The following CPNE4 variants were observed in gnomAD, a reference collection of about 807,000 sequenced individuals.
The protein encoded by CPNE4 is copine 4, also known as copine-4.
Under a neutral mutation model 67.9 loss-of-function variants are expected in CPNE4, and 25 were observed. The ratio of observed to expected loss-of-function variants is 0.37; its 90% CI spans 0.27 to 0.51. The LOEUF (loss-of-function observed/expected upper bound fraction) is 0.51. CPNE4 is among the 20% of genes least tolerant of loss of function. CPNE4 has a pLI of 0.93. For missense variants in CPNE4, 464 were observed against 690.8 expected (o/e 0.67, Z 3.68); for synonymous variants, 242 against 244.9 (o/e 0.99, Z 0.11).
intron 3 of CPNE4, among the ~76,000 whole-genome samples, chr3:131,713,431 G>A (rs2081607455): frequency 6.6e-6 from 1 of 152,132 alleles, no homozygotes; most frequent in Non-Finnish European, 1.5e-5. Flanking sequence ...ATGAGAAAGG[G>A]TAGTGGAAGG....
intron 2 of CPNE4, among the ~76,000 whole-genome samples, chr3:131,882,700 A>C (rs921426924): frequency 1.3e-5 from 2 of 151,574 alleles, no homozygotes; most frequent in Admixed American, 6.6e-5. Flanking sequence ...AGCTTGGTAC[A>C]AAAGTAATTG....
chr3:131,991,680 G>T (rs2073177503), intron 1 of CPNE4, among the ~76,000 whole-genome samples: 1 of 136,016 alleles, frequency 7.4e-6, no homozygotes, highest in African/African-American at 2.5e-5. Flanking sequence ...ATTTGAGTAA[G>T]TAATCACCAA....
chr3:131,785,671 T>TTCTCTCTTTCTC (rs1420982427), intron 2 of CPNE4, among the ~76,000 whole-genome samples: 35 of 142,852 alleles, frequency 2.5e-4, no homozygotes, highest in African/African-American at 8.2e-4. Flanking sequence ...CTTTCTCTCT[T>TTCTCTCTTTCTC]TCTCTCTCTC....
intron 7 of CPNE4, among the ~76,000 whole-genome samples, chr3:131,663,726 G>A (rs1028980089): frequency 6.6e-6 from 1 of 152,134 alleles, no homozygotes; most frequent in Non-Finnish European, 1.5e-5. Context: ...ACCAGGCATG[G>A]CAGCCTAAGA....
chr3:131,756,011 C>A (rs1357031856), intron 2 of CPNE4, among the ~76,000 whole-genome samples: 1 of 152,108 alleles, frequency 6.6e-6, no homozygotes, highest in African/African-American at 2.4e-5. Context: ...TTATTATCAT[C>A]CACCAAGAAT....
At chr3:131,817,248 T>C (rs1157198295) in intron 2 of CPNE4, among the ~76,000 whole-genome samples, 3 of 152,234 alleles carry the variant, frequency 2.0e-5, no homozygotes, top group African/African-American at 7.2e-5. Context: ...CAGTTTGCGA[T>C]ATTAAATGAA....
intron 1 of CPNE4, among the ~76,000 whole-genome samples, chr3:131,910,798 A>T (rs1206266452): frequency 6.6e-6 from 1 of 152,186 alleles, no homozygotes; most frequent in Non-Finnish European, 1.5e-5. Flanking sequence ...GCAGAATATC[A>T]TTGGGTCTAT....
intron 1 of CPNE4, among the ~76,000 whole-genome samples, chr3:132,018,582 C>A (rs2073933414): frequency 6.6e-6 from 1 of 152,190 alleles, no homozygotes. Flanking sequence ...CTGTCTGTGT[C>A]CACCAGCTCT....
intron 2 of CPNE4, among the ~76,000 whole-genome samples, chr3:131,864,683 C>A (rs906366134): frequency 6.6e-6 from 1 of 151,896 alleles, no homozygotes; most frequent in Non-Finnish European, 1.5e-5. Context: ...CTTTTCCTAA[C>A]TGAATACCCT....
intron 2 of CPNE4, among the ~76,000 whole-genome samples, chr3:131,827,253 A>T (rs759053370): frequency 6.6e-6 from 1 of 152,192 alleles, no homozygotes; most frequent in Non-Finnish European, 1.5e-5. Context: ...GCATTGTAAA[A>T]ATGAGCCATT....
At chr3:131,625,015 C>A (rs940477114) in intron 7 of CPNE4, among the ~76,000 whole-genome samples, 2 of 152,170 alleles carry the variant, frequency 1.3e-5, no homozygotes, top group African/African-American at 4.8e-5. Context: ...CAGGCCATGG[C>A]AGGTGCTATT....
intron 1 of CPNE4, among the ~76,000 whole-genome samples, chr3:131,992,679 AATG>A (rs1453195189): frequency 7.4e-6 from 1 of 135,702 alleles, no homozygotes; most frequent in African/African-American, 2.5e-5. Flanking sequence ...CCAGAGGCAG[AATG>A]ATATGGTTTG....
chr3:131,565,536 T>C (rs1937010579), intron 10 of CPNE4, among the ~76,000 whole-genome samples: 1 of 151,934 alleles, frequency 6.6e-6, no homozygotes. Flanking sequence ...AGGTATAAGT[T>C]GATGGGGAAA....
chr3:131,997,851 G>A (rs964705347), intron 1 of CPNE4, among the ~76,000 whole-genome samples: 1 of 152,054 alleles, frequency 6.6e-6, no homozygotes, highest in African/African-American at 2.4e-5. Context: ...AGCAGAGAAA[G>A]GTAGAAAGTT....
At chr3:131,818,217 G>A (rs556181105) in intron 2 of CPNE4, among the ~76,000 whole-genome samples, 5 of 152,270 alleles carry the variant, frequency 3.3e-5, no homozygotes, top group East Asian at 3.9e-4. Context: ...CAGGATTTAT[G>A]TTCTTCCCTC....
chr3:131,771,885 G>C (rs111601691), intron 2 of CPNE4, among the ~76,000 whole-genome samples: 29 of 152,004 alleles, frequency 1.9e-4, no homozygotes, highest in Non-Finnish European at 1.5e-5. Context: ...GGTTGGAGCT[G>C]GGTTTTTAAT....
intron 1 of CPNE4, among the ~76,000 whole-genome samples, chr3:131,952,393 G>A (rs1170326429): frequency 1.3e-5 from 2 of 150,084 alleles, no homozygotes; most frequent in Non-Finnish European, 1.5e-5. Flanking sequence ...GAAGTGAGGA[G>A]CCTCTCCGCC....
Position 131,893,693 on chromosome 3 carries a change from A to T in CPNE4, c.180+11571T>A, listed in dbSNP as rs2088208343. Among the ~76,000 whole-genome samples the T allele has an allele frequency of 2.0e-5, 3 of 152,016 alleles. No individual in the cohort carries two copies. In the South Asian group the frequency reaches 6.2e-4, roughly 31 times the overall value. On this transcript the variant is annotated intron_variant, in intron 2 of 15. Coordinates refer to ENST00000429747, the MANE Select transcript of CPNE4 (RefSeq NM_130808.3). ...AAACTGTACAAATACATGGAAATTAAACAGCACGCTCTTAAACAACCAATG... is the reference window on the plus strand; with the variant it reads ...AAACTGTACAAATACATGGAAATTATACAGCACGCTCTTAAACAACCAATG...
In CPNE4 at chr3:131,698,233, C is replaced by CAAAAAAAAAAAAA. The variant is rs369274504; in HGVS notation, c.433-1630_433-1618dup. On this transcript the variant is annotated intron_variant, in intron 4 of 15. Transcript: ENST00000429747. The stretch of plus-strand genomic sequence containing the variant: ...CTGGGAGAGGGGCAAGGCTCTGTCT[C>CAAAAAAAAAAAAA]AAAAAAAAAAAAAAAAAAAAGAAAG... Among the ~76,000 whole-genome samples, 124 of 64,422 alleles carry CAAAAAAAAAAAAA rather than the reference C, an allele frequency of 1.9e-3. 3 individuals are homozygous for CAAAAAAAAAAAAA. Among genetic ancestry groups the CAAAAAAAAAAAAA allele is most frequent in the African/African-American group, 5.1e-3 (64 of 12,510 alleles). 42.3% of individuals were successfully genotyped at this position (64,422 alleles called of 152,430 possible).
Sources: allele counts gnomAD v4.1 joint callset (sites outside exome capture counted in the v4.1 genomes callset), GRCh38; gene constraint gnomAD v4.1.1; transcripts MANE v1.5; gene names NCBI Gene and HGNC (gene_info 2026-07-23, HGNC 2026-07-21).